Variants in IQSEC3 observed in about 807,000 individuals in gnomAD.
The protein encoded by IQSEC3 is IQ motif and SEC7 domain-containing protein 3.
Under a neutral mutation model 105.4 loss-of-function variants are expected in IQSEC3, and 50 were observed. The observed-to-expected ratio is 0.47, with a 90% CI of 0.38 to 0.60. IQSEC3 has a LOEUF of 0.60. IQSEC3 is among the 20% of genes least tolerant of loss of function. The pLI is 0.00. For synonymous variants in IQSEC3, 708 were observed against 746.0 expected (o/e 0.95, Z 0.83); for missense variants, 1,415 against 1,630.0 (o/e 0.87, Z 2.27).
At chr12:173,182 G>A (rs1555100877) in intron 13 of IQSEC3, among the ~76,000 whole-genome samples, 3 of 151,946 alleles carry the variant, frequency 2.0e-5, no homozygotes, top group Admixed American at 1.3e-4. Flanking sequence ...AGGCAGGTGG[G>A]CCCCAGCCAT....
chr12:154,758 C>T (rs1399655316), intron 5 of IQSEC3, among the ~76,000 whole-genome samples: 8 of 152,178 alleles, frequency 5.3e-5, no homozygotes, highest in Non-Finnish European at 8.8e-5. Context: ...GCCTCTCTGT[C>T]TTTCCGCCTT....
rs1939258692 is a variant in IQSEC3, at chr12:177,000, A to T, written c.*1967A>T. 1 of 152,324 alleles carries T rather than the reference A, an allele frequency of 6.6e-6. No individual in the cohort carries two copies. The highest frequency in any genetic ancestry group is 1.5e-5 in the Non-Finnish European group (1 of 68,088). 9.4% of individuals were successfully genotyped at this position (152,324 alleles called of 1,614,324 possible). A position where few individuals can be genotyped will look rare whatever the true frequency, so the allele number is the denominator to read the frequency against. ...AATCAAAATGAGGGAAGCTGAAAAT[A>T]GAATGAAAACGATGACTAAGAGGCA... On this transcript the variant is annotated 3_prime_UTR_variant, in exon 14 of 14. Transcript: ENST00000538872. The surrounding 1 kb of genome is among the most constrained non-coding windows in gnomAD (Gnocchi z 4.0).
chr12:152,270 C>A lies in IQSEC3; in HGVS notation c.2154-4755C>A, dbSNP rs1866536374. ...TGAACCTGCAGGGTGACCACAGAGCCCCCGTGCTGACTGCCCACGCATGCA... is the reference window on the plus strand; with the variant it reads ...TGAACCTGCAGGGTGACCACAGAGCACCCGTGCTGACTGCCCACGCATGCA... On this transcript the variant is annotated intron_variant, in intron 5 of 13. Coordinates refer to ENST00000538872, the MANE Select transcript of IQSEC3 (RefSeq NM_001170738.2). The surrounding 1 kb of genome is among the most constrained non-coding windows in gnomAD (Gnocchi z 4.8). 6.6e-6 allele frequency among the ~76,000 whole-genome samples: 1 copy of A among 152,218 alleles called. No individual in the cohort carries two copies. Among genetic ancestry groups the A allele is most frequent in the Non-Finnish European group, 1.5e-5 (1 of 68,034 alleles).
chr12:96,599 T>C (rs2136912741), intron 1 of IQSEC3, among the ~76,000 whole-genome samples: 1 of 152,028 alleles, frequency 6.6e-6, no homozygotes, highest in South Asian at 2.1e-4. Context: ...ACCTGTCATG[T>C]GATGCTATAC....
intron 9 of IQSEC3, among the ~76,000 whole-genome samples, chr12:164,976 G>A (rs1867098135): frequency 6.6e-6 from 1 of 152,194 alleles, no homozygotes; most frequent in Non-Finnish European, 1.5e-5. Flanking sequence ...TTTTAGAGGA[G>A]GTGATCCAGG....
chr12:76,279 G>C (rs1181207038), intron 1 of IQSEC3, among the ~76,000 whole-genome samples: 1 of 152,220 alleles, frequency 6.6e-6, no homozygotes, highest in African/African-American at 2.4e-5. Flanking sequence ...CAGATTCCAG[G>C]CCCCTTACCA....
intron 1 of IQSEC3, among the ~76,000 whole-genome samples, chr12:96,996 C>T (rs1186810923): frequency 6.6e-6 from 1 of 152,230 alleles, no homozygotes; most frequent in African/African-American, 2.4e-5. Flanking sequence ...GGGTACCAAC[C>T]AGTCTGATGG....
In IQSEC3 at chr12:139,104, G is replaced by A; in HGVS notation, c.1741G>A (p.Ala581Thr). 6.6e-7 allele frequency: 1 copy of A among 1,503,974 alleles called. No individual in the cohort carries two copies. Among genetic ancestry groups the A allele is most frequent in the Non-Finnish European group, 8.9e-7 (1 of 1,125,236 alleles). 93.2% of individuals were successfully genotyped at this position (1,503,974 alleles called of 1,614,324 possible). A position where few individuals can be genotyped will look rare whatever the true frequency, so the allele number is the denominator to read the frequency against. ...TEEEEEEEET[A>T]EVGRGAEAEA... ...GGAGGAAGAGGAGGAGGAGGAGACG[G>A]CGGAGGTGGGGAGAGGGGCCGAGGC... Residue 581 changes from alanine to threonine, a missense_variant, in exon 4 of 14, where the codon GCG becomes ACG. Ala to Thr is a moderately conservative substitution (Grantham distance 58, BLOSUM62 0). Transcript: ENST00000538872.
At chr12:145,874 T>C (rs1211350936) in intron 5 of IQSEC3, among the ~76,000 whole-genome samples, 1 of 152,264 alleles carries the variant, frequency 6.6e-6, no homozygotes, top group Non-Finnish European at 1.5e-5. Flanking sequence ...GGATGATTTT[T>C]TCTGGTGTGA....
rs150914417 is a variant in IQSEC3, at chr12:116,010, T to A, written c.624-9623T>A. Among the ~76,000 whole-genome samples the A allele has an allele frequency of 3.1e-3, 472 of 152,356 alleles. 1 individual carries two copies. Among genetic ancestry groups the A allele is most frequent in the African/African-American group, 0.011 (453 of 41,576 alleles). ...ATATTCTTCCTACTTTTCATTTTTT[T>A]AATAATATTACAGGAAAAGTGAATG... is the stretch of plus-strand genomic sequence containing the variant. On this transcript the variant is annotated intron_variant, in intron 2 of 13. Coordinates refer to ENST00000538872, the MANE Select transcript of IQSEC3 (RefSeq NM_001170738.2).
intron 12 of IQSEC3, among the ~76,000 whole-genome samples, chr12:169,399 C>G (rs1451395070): frequency 3.3e-5 from 5 of 152,180 alleles, no homozygotes; most frequent in African/African-American, 1.2e-4. Context: ...GGCATCCTGG[C>G]CCCTGCAGGG....
intron 3 of IQSEC3, among the ~76,000 whole-genome samples, chr12:133,349 T>G (rs1865659168): frequency 6.6e-6 from 1 of 152,234 alleles, no homozygotes; most frequent in African/African-American, 2.4e-5. Flanking sequence ...GTAGGGGTTT[T>G]GTGGCCAGAA....
chr12:165,346 G>A (rs1867115033), intron 9 of IQSEC3, 88 bp from the exon 10 acceptor site: 1 of 951,498 alleles, frequency 1.1e-6, no homozygotes, highest in South Asian at 1.3e-5. Flanking sequence ...GTGGGTTTGT[G>A]TGATCGTGCA....
intron 1 of IQSEC3, among the ~76,000 whole-genome samples, chr12:87,363 C>G (rs1480631553): frequency 6.6e-6 from 1 of 152,156 alleles, no homozygotes; most frequent in Admixed American, 6.5e-5. Context: ...GGGCAGAACA[C>G]TTCTCTGAAA....
intron 1 of IQSEC3, among the ~76,000 whole-genome samples, chr12:82,710 C>T (rs1437267463): frequency 6.6e-6 from 1 of 152,166 alleles, no homozygotes; most frequent in Non-Finnish European, 1.5e-5. Context: ...CTCGATGTGT[C>T]CTAATAACAC....
At chr12:105,542 T>G (rs1864620270) in intron 2 of IQSEC3, among the ~76,000 whole-genome samples, 1 of 152,182 alleles carries the variant, frequency 6.6e-6, no homozygotes, top group Non-Finnish European at 1.5e-5. Context: ...ATGGCCGAAT[T>G]CCGACGTGGA....
At chr12:158,641 A>T (rs1276192257) in intron 7 of IQSEC3, among the ~76,000 whole-genome samples, 1 of 152,244 alleles carries the variant, frequency 6.6e-6, no homozygotes, top group Non-Finnish European at 1.5e-5. Flanking sequence ...TACAGTATTT[A>T]TACTTTGGTA....
At chr12:83,467 G>A (rs1361720887) in intron 1 of IQSEC3, among the ~76,000 whole-genome samples, 3 of 152,036 alleles carry the variant, frequency 2.0e-5, no homozygotes, top group African/African-American at 7.3e-5. Context: ...TCCTCACTTA[G>A]GGGGTGGCAT....
intron 1 of IQSEC3, among the ~76,000 whole-genome samples, chr12:87,996 G>A (rs1459797437): frequency 3.9e-5 from 6 of 152,208 alleles, no homozygotes; most frequent in East Asian, 3.8e-4. Context: ...GGACTATGGC[G>A]GGCCCTTGCA....
Sources: allele counts gnomAD v4.1 joint callset (sites outside exome capture counted in the v4.1 genomes callset), GRCh38; gene constraint gnomAD v4.1.1; non-coding constraint Gnocchi (gnomAD v3.1); transcripts MANE v1.5; gene names NCBI Gene and HGNC (gene_info 2026-07-23, HGNC 2026-07-21).